Variants in SUPT3H observed in about 807,000 individuals in gnomAD.
SUPT3H encodes transcription initiation protein SPT3 homolog.
In SUPT3H, 44 loss-of-function variants were observed where a neutral mutation model predicts 44.3. The ratio of observed to expected loss-of-function variants is 0.99; its 90% CI spans 0.78 to 1.28. The LOEUF (loss-of-function observed/expected upper bound fraction) is 1.28, where lower values mean the gene tolerates loss of function less well. Among genes scored for constraint, SUPT3H ranks in the 50% most tolerant of loss-of-function variants. The pLI is 0.00. For missense variants in SUPT3H, 380 were observed against 387.1 expected, an observed-to-expected ratio of 0.98 and a Z score of 0.15; for synonymous variants, 124 against 125.6, an observed-to-expected ratio of 0.99 and a Z score of 0.09.
intron 10 of SUPT3H, among the ~76,000 whole-genome samples, chr6:44,909,841 A>C (rs575095544): frequency 6.6e-6 from 1 of 152,332 alleles, no homozygotes; most frequent in South Asian, 2.1e-4. Flanking sequence ...ACCATTTTAG[A>C]AATGTTGGCA....
At chr6:45,045,820 C>A (rs1307406258) in intron 3 of SUPT3H, among the ~76,000 whole-genome samples, 2 of 152,112 alleles carry the variant, frequency 1.3e-5, no homozygotes, top group Admixed American at 1.3e-4. Context: ...AAGGCAAATT[C>A]TTTGTCAGAT....
intron 3 of SUPT3H, among the ~76,000 whole-genome samples, chr6:45,049,286 G>A (rs776498901): frequency 2.1e-4 from 32 of 152,224 alleles, no homozygotes; most frequent in Non-Finnish European, 3.7e-4. Context: ...CATTTATGTG[G>A]ATCCTTTAAA....
downstream of SUPT3H, among the ~76,000 whole-genome samples, chr6:44,824,542 T>C (rs1767599023): frequency 6.6e-6 from 1 of 152,030 alleles, no homozygotes; most frequent in South Asian, 2.1e-4. Flanking sequence ...GGTGCAGTTA[T>C]TTGGAATCTT....
At chr6:45,182,335 A>T (rs1233429324) in intron 2 of SUPT3H, among the ~76,000 whole-genome samples, 1 of 152,178 alleles carries the variant, frequency 6.6e-6, no homozygotes, top group African/African-American at 2.4e-5. Flanking sequence ...ATCTCGACTC[A>T]CTGCAACCTC....
intron 9 of SUPT3H, among the ~76,000 whole-genome samples, chr6:44,949,344 C>T (rs190949621): frequency 9.1e-4 from 138 of 151,578 alleles, no homozygotes; most frequent in Non-Finnish European, 1.7e-3. Context: ...ACATATGTAA[C>T]AAACCTGCAG....
intron 2 of SUPT3H, among the ~76,000 whole-genome samples, chr6:45,290,462 A>AT: frequency 6.6e-6 from 1 of 151,386 alleles, no homozygotes; most frequent in East Asian, 1.9e-4. Flanking sequence ...TGATCAAAAA[A>AT]AAAAAAAAAA....
chr6:44,886,267 C>T (rs1013715593), intron 10 of SUPT3H, among the ~76,000 whole-genome samples: 14 of 151,834 alleles, frequency 9.2e-5, no homozygotes, highest in African/African-American at 1.5e-4. Flanking sequence ...ATACAGAGAA[C>T]GCCACAAAGA....
intron 2 of SUPT3H, among the ~76,000 whole-genome samples, chr6:45,315,165 G>GA (rs1784499449): frequency 6.6e-6 from 1 of 152,010 alleles, no homozygotes; most frequent in Non-Finnish European, 1.5e-5. Context: ...TTAAATCTAA[G>GA]ACCTGAAACT....
intron 2 of SUPT3H, among the ~76,000 whole-genome samples, chr6:45,325,975 T>C (rs772028059): frequency 6.6e-6 from 1 of 151,942 alleles, no homozygotes; most frequent in African/African-American, 2.4e-5. Flanking sequence ...TAGAATTTGA[T>C]AGGCCTCACA....
At chr6:44,976,502 C>T (rs1778363065) in intron 6 of SUPT3H, among the ~76,000 whole-genome samples, 1 of 151,948 alleles carries the variant, frequency 6.6e-6, no homozygotes, top group African/African-American at 2.4e-5. Context: ...GCTGGGAATA[C>T]AGGTGACCAC....
At chr6:45,110,252 C>T (rs2153573542) in intron 2 of SUPT3H, among the ~76,000 whole-genome samples, 1 of 152,288 alleles carries the variant, frequency 6.6e-6, no homozygotes, top group South Asian at 2.1e-4. Flanking sequence ...CTGCAATCCG[C>T]TTGACAGGTG....
chr6:45,249,088 CT>C, intron 2 of SUPT3H, among the ~76,000 whole-genome samples: 1 of 152,192 alleles, frequency 6.6e-6, no homozygotes, highest in East Asian at 1.9e-4. Context: ...CGTTTCTAAA[CT>C]TTTTTAGCAA....
At chr6:45,132,888 G>T (rs1803691113) in intron 2 of SUPT3H, among the ~76,000 whole-genome samples, 3 of 151,992 alleles carry the variant, frequency 2.0e-5, no homozygotes, top group Non-Finnish European at 4.4e-5. Flanking sequence ...TACAAAAAAG[G>T]AAACTAAGAC....
intron 2 of SUPT3H, among the ~76,000 whole-genome samples, chr6:45,306,548 A>T (rs1261418647): frequency 6.6e-6 from 1 of 152,204 alleles, no homozygotes; most frequent in Non-Finnish European, 1.5e-5. Context: ...TAGCCCAAAA[A>T]GTCTGCAAGG....
At chr6:45,157,937 A>G (rs1808123916) in intron 2 of SUPT3H, among the ~76,000 whole-genome samples, 1 of 151,376 alleles carries the variant, frequency 6.6e-6, no homozygotes, top group Non-Finnish European at 1.5e-5. Context: ...TCTAAAAACT[A>G]TATATCTAAA....
intron 10 of SUPT3H, among the ~76,000 whole-genome samples, chr6:44,888,881 C>T (rs1375591495): frequency 1.4e-5 from 2 of 138,888 alleles, no homozygotes; most frequent in African/African-American, 2.7e-5. Flanking sequence ...CGTCTCAGCC[C>T]AAAATCTCCT....
At chr6:44,932,815 A>G in intron 9 of SUPT3H, 52 bp from the exon 10 acceptor site, 1 of 1,215,350 alleles carries the variant, frequency 8.2e-7, no homozygotes, top group South Asian at 1.4e-5. Flanking sequence ...ACGCAACAGA[A>G]CTACAGTGTA....
intron 10 of SUPT3H, among the ~76,000 whole-genome samples, chr6:44,865,009 T>C (rs1177712501): frequency 6.6e-6 from 1 of 152,232 alleles, no homozygotes. Context: ...AAGTCACTTC[T>C]TGAATACTTT....
chr6:44,938,713 T>TGG (rs1431284308), intron 9 of SUPT3H, among the ~76,000 whole-genome samples: 1 of 152,222 alleles, frequency 6.6e-6, no homozygotes, highest in Non-Finnish European at 1.5e-5. Context: ...AAGCATGGGA[T>TGG]GGTTTTCCAT....
Sources: allele counts gnomAD v4.1 joint callset (sites outside exome capture counted in the v4.1 genomes callset), GRCh38; gene constraint gnomAD v4.1.1; transcripts MANE v1.5; gene names NCBI Gene and HGNC (gene_info 2026-07-23, HGNC 2026-07-21).